Variants in GALNT8 observed in about 807,000 individuals in gnomAD.
The protein encoded by GALNT8 is probable polypeptide N-acetylgalactosaminyltransferase 8.
A neutral mutation model predicts 62.7 loss-of-function variants in GALNT8; 66 were observed. That is an observed-to-expected ratio of 1.05 (90% CI 0.86 to 1.29). The LOEUF is 1.29. Ranked by LOEUF, GALNT8 falls within the 50% of genes most tolerant of loss-of-function variation. The pLI is 0.00. For synonymous variants in GALNT8, 288 were observed against 294.3 expected, an observed-to-expected ratio of 0.98 and a Z score of 0.22; for missense variants, 771 against 791.8, an observed-to-expected ratio of 0.97 and a Z score of 0.32.
chr12:4,763,833 C>T (rs1946384929), intron 8 of GALNT8, 119 bp from the exon 9 acceptor site: 2 of 692,330 alleles, frequency 2.9e-6, no homozygotes, highest in East Asian at 2.6e-5. Flanking sequence ...CCCTCTGCTC[C>T]TTGTGGCTGG....
chr12:4,723,097 T>C (rs1220277796), intron 1 of GALNT8, among the ~76,000 whole-genome samples: 3 of 152,192 alleles, frequency 2.0e-5, no homozygotes, highest in Non-Finnish European at 4.4e-5. Context: ...TATTTTATTA[T>C]GGTACAGTTT....
intron 10 of GALNT8, among the ~76,000 whole-genome samples, chr12:4,766,091 A>G (rs2137545207): frequency 6.6e-6 from 1 of 152,266 alleles, no homozygotes; most frequent in Non-Finnish European, 1.5e-5. Context: ...TTTTTAAATG[A>G]TAGGTATATG....
chr12:4,758,225 T>C (rs1410317731), intron 6 of GALNT8, among the ~76,000 whole-genome samples: 2 of 152,298 alleles, frequency 1.3e-5, no homozygotes, highest in East Asian at 3.9e-4. Context: ...TAAGTACTTA[T>C]TAGGATTTTT....
At chr12:4,728,176 G>A (rs559676705) in intron 2 of GALNT8, among the ~76,000 whole-genome samples, 3 of 150,578 alleles carry the variant, frequency 2.0e-5, no homozygotes, top group African/African-American at 7.3e-5. Context: ...TTGGAGAAAT[G>A]TCTATTTGGA....
intron 2 of GALNT8, among the ~76,000 whole-genome samples, chr12:4,737,785 G>A (rs1447289801): frequency 1.3e-5 from 2 of 152,186 alleles, no homozygotes; most frequent in Non-Finnish European, 2.9e-5. Context: ...GTTATCATGG[G>A]ACTGGGCTCT....
rs192455320 is a variant in GALNT8, at chr12:4,726,138, A to G, written c.212-394A>G. Among the ~76,000 whole-genome samples the G allele has an allele frequency of 4.8e-4, 73 of 152,204 alleles. No homozygotes were observed. Among genetic ancestry groups the G allele is most frequent in the African/African-American group, 1.6e-3 (68 of 41,512 alleles). ...CAACTCTCAGATCCTGATTTAGTGG[A>G]TTTGGAGATTAGCCTGGGTATCTAC... On this transcript the variant is annotated intron_variant, in intron 1 of 10. Transcript: ENST00000252318. The surrounding 1 kb of genome is among the most constrained non-coding windows in gnomAD (Gnocchi z 4.1).
At chr12:4,768,898 C>G (rs981679731) in intron 10 of GALNT8, among the ~76,000 whole-genome samples, 5 of 152,080 alleles carry the variant, frequency 3.3e-5, no homozygotes, top group Non-Finnish European at 7.4e-5. Context: ...AGAAATTTTC[C>G]AAAATTGAGA....
chr12:4,750,318 C>G (rs990887827), intron 6 of GALNT8, among the ~76,000 whole-genome samples: 18 of 151,950 alleles, frequency 1.2e-4, no homozygotes, highest in Admixed American at 3.3e-4. Context: ...GTTATTTTTC[C>G]TGATCTTCTC....
intron 8 of GALNT8, 86 bp from the exon 9 acceptor site, chr12:4,763,866 G>A: frequency 1.3e-6 from 1 of 776,088 alleles, no homozygotes; most frequent in South Asian, 1.4e-5. Context: ...TCCTCGGTGT[G>A]TTGGGGAAAA....
At chr12:4,746,345 G>A (rs1946299847) in intron 6 of GALNT8, 87 bp downstream of exon 6, 1 of 806,248 alleles carries the variant, frequency 1.2e-6, no homozygotes, top group East Asian at 2.5e-5. Flanking sequence ...CTAGAACAAG[G>A]CTGAATGTCA....
At position 4,726,516 on chromosome 12, in the gene GALNT8, T is replaced by G. The variant is rs776607697; in HGVS notation, c.212-16T>G. 3.1e-6 allele frequency: 5 copies of G among 1,597,356 alleles called. No homozygotes were observed. In the African/African-American group the frequency reaches 6.7e-5, roughly 21 times the overall value. The stretch of plus-strand genomic sequence containing the variant: ...TGAAATGTTTTCTCTCCCACCCCTG[T>G]CCTCTTCATTTGCAGAAGAAAGTAT... On this transcript the variant is annotated splice_polypyrimidine_tract_variant and intron_variant, in intron 1 of 10. Transcript: ENST00000252318. This position sits in a 1 kb window ranked among gnomAD's most constrained non-coding sequence, Gnocchi z 4.1.
At chr12:4,742,100 C>T (rs1946274849) in intron 3 of GALNT8, among the ~76,000 whole-genome samples, 1 of 152,172 alleles carries the variant, frequency 6.6e-6, no homozygotes, top group Non-Finnish European at 1.5e-5. Flanking sequence ...ATAATGGTGC[C>T]TACCTGATAG....
Position 4,763,307 on chromosome 12 carries a change from C to A in GALNT8, c.1414C>A (p.Leu472Met). ...TTCCAGAATGGCACTCCGGGAAAAA[C>A]TGAAATGTAAAACTTTTGACTGGTA... ...VSSRMALREK[L>M]KCKTFDWYLK... Residue 472 changes from leucine (L) to methionine (M), a missense_variant, in exon 8 of 11, where the codon CTG becomes ATG. Coordinates refer to ENST00000252318, the MANE Select transcript of GALNT8 (RefSeq NM_017417.2). 1 of 1,611,574 alleles carries A rather than the reference C, an allele frequency of 6.2e-7. No homozygotes were observed.
chr12:4,768,806 C>G (rs1438219386), intron 10 of GALNT8, among the ~76,000 whole-genome samples: 4 of 152,210 alleles, frequency 2.6e-5, no homozygotes, highest in African/African-American at 9.6e-5. Context: ...AAAAATGATA[C>G]TTGATTGAAT....
At chr12:4,734,043 A>G (rs754278171) in intron 2 of GALNT8, among the ~76,000 whole-genome samples, 1 of 152,242 alleles carries the variant, frequency 6.6e-6, no homozygotes, top group Non-Finnish European at 1.5e-5. Context: ...AGTGGTAAGA[A>G]TAGCAGATAA....
In GALNT8 at chr12:4,772,549, G is replaced by A; in HGVS notation, c.1866G>A (p.Trp622Ter). Residue 622 changes from tryptophan to a stop codon, truncating the protein, a stop_gained, in exon 11 of 11, where the codon TGG becomes TGA. Transcript: ENST00000252318. LOFTEE classifies it low-confidence loss of function (END_TRUNC). The part of the protein sequence containing the change: ...LVLQTCSTQV[W>*]EIQHTVRDWG... Reference sequence around the variant, plus strand: ...TCCAGACCTGTAGCACGCAAGTGTGGGAAATCCAGCACACTGTCAGAGACT... The same window carrying A: ...TCCAGACCTGTAGCACGCAAGTGTGAGAAATCCAGCACACTGTCAGAGACT... 1 of 1,613,932 alleles carries A rather than the reference G, an allele frequency of 6.2e-7. No individual in the cohort carries two copies. Among genetic ancestry groups the A allele is most frequent in the Non-Finnish European group, 8.5e-7 (1 of 1,179,838 alleles).
At position 4,765,376 on chromosome 12, in the gene GALNT8, T is replaced by C. The variant is rs1015419258; in HGVS notation, c.1594-3T>C. The stretch of plus-strand genomic sequence containing the variant: ...GCTTTTTTTTTTTTTTTTTTTTTTT[T>C]AGAATGTCTACTATCACCTAACTGG... On this transcript the variant is annotated splice_region_variant and splice_polypyrimidine_tract_variant and intron_variant, in intron 9 of 10. Coordinates refer to ENST00000252318, the MANE Select transcript of GALNT8 (RefSeq NM_017417.2). 3 of 1,077,186 alleles carry C rather than the reference T, an allele frequency of 2.8e-6. No individual in the cohort carries two copies. The highest frequency in any genetic ancestry group is 6.0e-5 in the East Asian group (2 of 33,482). 66.7% of individuals were successfully genotyped at this position (1,077,186 alleles called of 1,614,324 possible).
chr12:4,761,866 C>T (rs981601115), intron 7 of GALNT8, among the ~76,000 whole-genome samples: 5 of 152,150 alleles, frequency 3.3e-5, no homozygotes, highest in African/African-American at 1.2e-4. Flanking sequence ...ATCTCATTGA[C>T]AAACTCATCC....
At chr12:4,766,709 C>T (rs1946401664) in intron 10 of GALNT8, among the ~76,000 whole-genome samples, 1 of 152,062 alleles carries the variant, frequency 6.6e-6, no homozygotes, top group African/African-American at 2.4e-5. Context: ...TAGGAAGGGG[C>T]AGTACCTCCT....
Sources: gnomAD v4.1 joint callset for allele counts (sites outside exome capture counted in the v4.1 genomes callset) on GRCh38, gnomAD v4.1.1 for gene constraint, Gnocchi (gnomAD v3.1) non-coding constraint, MANE v1.5 for transcripts, NCBI Gene and HGNC (gene_info 2026-07-23, HGNC 2026-07-21) for gene names.